Variants in DPP10 observed in about 807,000 individuals in gnomAD.
DPP10 encodes inactive dipeptidyl peptidase 10.
Under a neutral mutation model 120.9 loss-of-function variants are expected in DPP10, and 33 were observed. The observed-to-expected ratio is 0.27, with a 90% CI of 0.21 to 0.37. The LOEUF is 0.37. Among genes scored for constraint, DPP10 ranks in the 10% least tolerant of loss-of-function variants. The probability of loss-of-function intolerance (pLI) is 1.00; values close to 1 mark genes in which losing one functional copy is unlikely to be tolerated. For missense variants in DPP10, 816 were observed against 942.8 expected, an observed-to-expected ratio of 0.87 and a Z score of 1.76; for synonymous variants, 337 against 326.1, an observed-to-expected ratio of 1.03 and a Z score of -0.36.
chr2:115,809,089 A>C, intron 19 of DPP10, among the ~76,000 whole-genome samples: 1 of 152,238 alleles, frequency 6.6e-6, no homozygotes, highest in East Asian at 1.9e-4. Context: ...GTTCTCTGGT[A>C]GGAAAAAAAT....
At chr2:115,577,235 C>G (rs1312183937) in intron 5 of DPP10, among the ~76,000 whole-genome samples, 1 of 152,132 alleles carries the variant, frequency 6.6e-6, no homozygotes, top group African/African-American at 2.4e-5. Context: ...CGTCTAATAT[C>G]TCTTCCTGCC....
At chr2:115,555,018 T>C (rs1219640991) in intron 5 of DPP10, among the ~76,000 whole-genome samples, 1 of 152,092 alleles carries the variant, frequency 6.6e-6, no homozygotes, top group Admixed American at 6.6e-5. Flanking sequence ...ATCTAACTTC[T>C]GCATTAATAT....
At chr2:115,434,523 T>C (rs1191768929) in intron 3 of DPP10, among the ~76,000 whole-genome samples, 1 of 151,904 alleles carries the variant, frequency 6.6e-6, no homozygotes, top group Non-Finnish European at 1.5e-5. Context: ...CAAACTCTTC[T>C]TTTTTAAAAA....
chr2:115,385,491 G>C (rs1016814749), intron 3 of DPP10, among the ~76,000 whole-genome samples: 19 of 152,110 alleles, frequency 1.2e-4, no homozygotes, highest in Admixed American at 2.0e-4. Flanking sequence ...GAGTAGCTGG[G>C]ATTACAGGCG....
At chr2:115,667,919 G>A (rs879288106) in intron 5 of DPP10, among the ~76,000 whole-genome samples, 3 of 151,406 alleles carry the variant, frequency 2.0e-5, no homozygotes, top group Non-Finnish European at 2.9e-5. Flanking sequence ...CTTTAACATA[G>A]TAATCATCTA....
chr2:114,799,185 A>T (rs1337748503), intron 1 of DPP10, among the ~76,000 whole-genome samples: 2 of 152,238 alleles, frequency 1.3e-5, no homozygotes, highest in African/African-American at 2.4e-5. Context: ...AGATAAATGG[A>T]GAGTACAGGG....
intron 1 of DPP10, among the ~76,000 whole-genome samples, chr2:114,478,283 T>C (rs1189780315): frequency 6.6e-6 from 1 of 152,076 alleles, no homozygotes; most frequent in Non-Finnish European, 1.5e-5. Context: ...ATCAATGCAA[T>C]TCCTCTTATC....
intron 1 of DPP10, among the ~76,000 whole-genome samples, chr2:114,512,699 T>A (rs1684246363): frequency 6.6e-6 from 1 of 152,210 alleles, no homozygotes; most frequent in South Asian, 2.1e-4. Context: ...CGTTCATGTA[T>A]GAAGGGAGTA....
chr2:114,647,096 T>C (rs752003260), intron 1 of DPP10, among the ~76,000 whole-genome samples: 1 of 152,210 alleles, frequency 6.6e-6, no homozygotes. Flanking sequence ...TTGCCTCCTA[T>C]GTATATTCAA....
chr2:114,618,512 A>G (rs1443616541), intron 1 of DPP10, among the ~76,000 whole-genome samples: 1 of 152,060 alleles, frequency 6.6e-6, no homozygotes, highest in Non-Finnish European at 1.5e-5. Flanking sequence ...ACCACATTTC[A>G]GGAAACACAC....
At chr2:114,877,622 C>T (rs944116039) in intron 1 of DPP10, among the ~76,000 whole-genome samples, 1 of 152,068 alleles carries the variant, frequency 6.6e-6, no homozygotes, top group Non-Finnish European at 1.5e-5. Flanking sequence ...CTATGGCATA[C>T]AGGCATGCTT....
At chr2:115,809,546 T>C (rs1019451873) in intron 19 of DPP10, among the ~76,000 whole-genome samples, 3 of 152,192 alleles carry the variant, frequency 2.0e-5, no homozygotes, top group African/African-American at 7.2e-5. Context: ...TATTCTGTTC[T>C]TTACTCCTCC....
intron 3 of DPP10, among the ~76,000 whole-genome samples, chr2:115,401,823 T>A (rs949894371): frequency 1.3e-5 from 2 of 151,910 alleles, no homozygotes; most frequent in Non-Finnish European, 2.9e-5. Flanking sequence ...AACATGAAAG[T>A]GTGACCAATA....
At chr2:114,859,089 G>A (rs1474468814) in intron 1 of DPP10, among the ~76,000 whole-genome samples, 1 of 151,960 alleles carries the variant, frequency 6.6e-6, no homozygotes, top group Non-Finnish European at 1.5e-5. Flanking sequence ...CACTTTGGGA[G>A]ACTAAGGTGG....
At chr2:115,170,454 T>A (rs2053232535) in intron 1 of DPP10, among the ~76,000 whole-genome samples, 1 of 152,198 alleles carries the variant, frequency 6.6e-6, no homozygotes, top group Non-Finnish European at 1.5e-5. Flanking sequence ...CATGAAGGAT[T>A]CCTCAAATTT....
At chr2:114,456,512 G>T (rs1358458103) in intron 1 of DPP10, among the ~76,000 whole-genome samples, 1 of 152,162 alleles carries the variant, frequency 6.6e-6, no homozygotes, top group Non-Finnish European at 1.5e-5. Flanking sequence ...AAACATTTTA[G>T]ATTTTTTTTG....
rs1435914481 is a variant in DPP10 at position 114,763,898 on chromosome 2, G to A, written c.60+321060G>A. Among the ~76,000 whole-genome samples, 12 of 152,238 alleles carry A rather than the reference G, an allele frequency of 7.9e-5. No individual in the cohort carries two copies. The South Asian group carries it at 2.5e-3, about 32-fold the overall frequency. ...TACTCTTTCAAGTGATCTCATCATT[G>A]TCAGCCTCTCTGATAAGATCCTAGA... On this transcript the variant is annotated intron_variant, in intron 1 of 25. Transcript: ENST00000410059.
chr2:115,474,272 A>T (rs1361969966), intron 3 of DPP10, among the ~76,000 whole-genome samples: 1 of 152,186 alleles, frequency 6.6e-6, no homozygotes. Context: ...TTGAAAACTA[A>T]AACAAAGAAA....
At chr2:115,526,910 T>A (rs1169365039) in intron 5 of DPP10, among the ~76,000 whole-genome samples, 1 of 152,140 alleles carries the variant, frequency 6.6e-6, no homozygotes, top group Non-Finnish European at 1.5e-5. Context: ...GTCAAAGGCC[T>A]CTTTTCCTAG....
Sources: gnomAD v4.1 joint callset for allele counts (sites outside exome capture counted in the v4.1 genomes callset) on GRCh38, gnomAD v4.1.1 for gene constraint, MANE v1.5 for transcripts, NCBI Gene and HGNC (gene_info 2026-07-23, HGNC 2026-07-21) for gene names.